The following CTSD variants were observed in gnomAD, a reference collection of about 807,000 sequenced individuals.
The protein encoded by CTSD is ceroid-lipofuscinosis, neuronal 10.
In CTSD, 28 loss-of-function variants were observed where a neutral mutation model predicts 43.6. That is an observed-to-expected ratio of 0.64 (90% CI 0.48 to 0.88). The LOEUF is 0.88. CTSD is among the 40% of genes least tolerant of loss of function. The pLI, the probability that CTSD is intolerant of heterozygous loss-of-function variation, is 0.00. For missense variants in CTSD, 485 were observed against 555.2 expected, an observed-to-expected ratio of 0.87 and a Z score of 1.27; for synonymous variants, 270 against 249.8, an observed-to-expected ratio of 1.08 and a Z score of -0.76.
chr11:1,756,106 T>C (rs552417320), intron 5 of CTSD, among the ~76,000 whole-genome samples: 23 of 150,078 alleles, frequency 1.5e-4, no homozygotes, highest in African/African-American at 5.2e-4. Context: ...TGGGTACTCA[T>C]ACCGTGTGCC....
chr11:1,763,094 C>T (rs926752485), intron 1 of CTSD: 3 of 152,464 alleles, frequency 2.0e-5, no homozygotes, highest in African/African-American at 7.2e-5. Context: ...CATGGCCCTC[C>T]TCTGCCCAGC....
At position 1,759,015 on chromosome 11, in the gene CTSD, T is replaced by C. The variant is rs1238167049; in HGVS notation, c.425A>G (p.Tyr142Cys). The C allele has an allele frequency of 6.2e-7, 1 of 1,613,920 alleles. No individual in the cohort carries two copies. Among genetic ancestry groups the C allele is most frequent in the Non-Finnish European group, 8.5e-7 (1 of 1,179,918 alleles). ...VKNGTSFDIH[Y>C]GSGSLSGYLS... ...GTACCCGGAGAGGCTGCCCGAGCCA[T>C]AGTGGATGTCAAACGAGGTACCATT... The change falls in exon 4 of 9, where the codon TAT becomes TGT. Residue 142 changes from tyrosine (Y) to cysteine (C), a missense_variant. Physicochemically the swap from Tyr to Cys is radical, Grantham distance 194. Coordinates refer to ENST00000236671, the MANE Select transcript of CTSD (RefSeq NM_001909.5).
At position 1,761,389 on chromosome 11, in the gene CTSD, C is replaced by G; in HGVS notation, c.148G>C (p.Gly50Arg). ...GGSVEDLIAK[G>R]PVSKYSQAVP... ...GCCTGGGAGTACTTTGAGACGGGGC[C>G]TTTGGCAATCAGGTCCTCCACAGAG... The change falls in exon 2 of 9, where the codon GGC becomes CGC. Residue 50 changes from glycine to arginine, a missense_variant. Physicochemically the swap from Gly to Arg is moderately radical, Grantham distance 125. Transcript: ENST00000236671. 1 of 1,613,840 alleles carries G rather than the reference C, an allele frequency of 6.2e-7. No individual in the cohort carries two copies. The highest frequency in any genetic ancestry group is 8.5e-7 in the Non-Finnish European group (1 of 1,180,020).
chr11:1,754,358 GGAGGGATGGAGGGGATGGAGGGGCATA>G lies in CTSD; in HGVS notation c.828-247_828-221del, dbSNP rs1219998189. 2,278 of 509,364 alleles carry G rather than the reference GGAGGGATGGAGGGGATGGAGGGGCATA, an allele frequency of 4.5e-3. 18 individuals are homozygous for G. The highest frequency in any genetic ancestry group is 0.013 in the African/African-American group (657 of 50,688). 31.6% of individuals were successfully genotyped at this position (509,364 alleles called of 1,614,324 possible). On this transcript the variant is annotated intron_variant, in intron 6 of 8. Coordinates refer to ENST00000236671, the MANE Select transcript of CTSD (RefSeq NM_001909.5). ...ACCCTCAGGTGGTGGTGAGGGGCAT[GGAGGGATGGAGGGGATGGAGGGGCATA>G]GAGGGATGGAGGGGATGGAGGGGAT...
rs1845791195 is a variant in CTSD, at chr11:1,754,890, T to G, written c.827+16A>C. 6.2e-7 allele frequency: 1 copy of G among 1,613,472 alleles called. No individual in the cohort carries two copies. Among genetic ancestry groups the G allele is most frequent in the Non-Finnish European group, 8.5e-7 (1 of 1,179,856 alleles). On this transcript the variant is annotated intron_variant, in intron 6 of 8. Coordinates refer to ENST00000236671, the MANE Select transcript of CTSD (RefSeq NM_001909.5). ...GCCCACAGAACCCAGGGGAGCCGAC[T>G]GCAGCCACTACTCACTGGTCCAGGT...
Position 1,753,113 on chromosome 11 carries a change from C to T in CTSD, c.*390G>A, listed in dbSNP as rs1262477522. ...GTTTCCAAGGGAGGGCCCGGGAGGACGGCCTGGTGTGGGGTAGGGGCTCAG... is the reference window on the plus strand; with the variant it reads ...GTTTCCAAGGGAGGGCCCGGGAGGATGGCCTGGTGTGGGGTAGGGGCTCAG... On this transcript the variant is annotated 3_prime_UTR_variant, in exon 9 of 9. Coordinates refer to ENST00000236671, the MANE Select transcript of CTSD (RefSeq NM_001909.5). 12 of 320,144 alleles carry T rather than the reference C, an allele frequency of 3.7e-5. No homozygotes were observed. The highest frequency in any genetic ancestry group is 1.3e-4 in the South Asian group (5 of 37,664). 19.8% of individuals were successfully genotyped at this position (320,144 alleles called of 1,614,324 possible).
chr11:1,756,149 CCT>C (rs1209368087), intron 5 of CTSD, among the ~76,000 whole-genome samples: 1 of 151,920 alleles, frequency 6.6e-6, no homozygotes, highest in Non-Finnish European at 1.5e-5. Flanking sequence ...GCTGTGTGCC[CCT>C]CCCCCACATG....
At chr11:1,753,782 G>A (rs755668289) in intron 8 of CTSD, 21 bp downstream of exon 8, 54 of 1,611,066 alleles carry the variant, frequency 3.4e-5, no homozygotes, top group East Asian at 4.5e-5. Context: ...TGGGGCGTGC[G>A]GCACCCCATT....
At position 1,759,027 on chromosome 11, in the gene CTSD, A is replaced by AACGAGGT; in HGVS notation, c.406_412dup (p.Phe138TyrfsTer4). On this transcript the variant is annotated frameshift_variant, in exon 4 of 9. Coordinates refer to ENST00000236671, the MANE Select transcript of CTSD (RefSeq NM_001909.5). LOFTEE classifies it high-confidence loss of function. ...GCTGCCCGAGCCATAGTGGATGTCA[A>AACGAGGT]ACGAGGTACCATTCTTCACGTAGGT... 1 of 1,614,126 alleles carries AACGAGGT rather than the reference A, an allele frequency of 6.2e-7. No homozygotes were observed. Among genetic ancestry groups the AACGAGGT allele is most frequent in the Non-Finnish European group, 8.5e-7 (1 of 1,179,972 alleles).
rs190194638 is a variant in CTSD, at chr11:1,753,359, C to T, written c.*144G>A. 4.5e-5 allele frequency: 42 copies of T among 930,870 alleles called. No individual in the cohort carries two copies. Among genetic ancestry groups the T allele is most frequent in the East Asian group, 2.2e-4 (9 of 40,480 alleles). 57.7% of individuals were successfully genotyped at this position (930,870 alleles called of 1,614,324 possible). A position where few individuals can be genotyped will look rare whatever the true frequency, so the allele number is the denominator to read the frequency against. On this transcript the variant is annotated 3_prime_UTR_variant, in exon 9 of 9. Coordinates refer to ENST00000236671, the MANE Select transcript of CTSD (RefSeq NM_001909.5). The stretch of plus-strand genomic sequence containing the variant: ...AAAACCACAGAACAAAACAGCAAGT[C>T]GGGCTTGGGCCGCCGGCTTCCAGGG...
Position 1,761,450 on chromosome 11 carries a change from G to A in CTSD, c.87C>T (p.Phe29=). Residue 29 remains phenylalanine, a synonymous_variant, in exon 2 of 9, where the codon TTC becomes TTT. Transcript: ENST00000236671. ...SALVRIPLHK[F]TSIRRTMSEV... Reference sequence around the variant, plus strand: ...CCGACATGGTCCGGCGGATGGACGTGAACTTGTGCAGCGGGATCCTGTCAA... The same window carrying A: ...CCGACATGGTCCGGCGGATGGACGTAAACTTGTGCAGCGGGATCCTGTCAA... The A allele has an allele frequency of 1.2e-6, 2 of 1,613,908 alleles. No individual in the cohort carries two copies. Among genetic ancestry groups the A allele is most frequent in the Non-Finnish European group, 8.5e-7 (1 of 1,180,010 alleles).
At chr11:1,759,746 G>T in intron 2 of CTSD, 107 bp from the exon 3 acceptor site, 3 of 1,190,582 alleles carry the variant, frequency 2.5e-6, no homozygotes, top group Non-Finnish European at 3.4e-6. Context: ...CTGGAGGGAG[G>T]GGCATCACGG....
Position 1,753,341 on chromosome 11 carries a change from C to T in CTSD, c.*162G>A. ...TCTGAACCCAGGGAGGGGAAAACCA[C>T]AGAACAAAACAGCAAGTCGGGCTTG... On this transcript the variant is annotated 3_prime_UTR_variant, in exon 9 of 9. Transcript: ENST00000236671. The T allele has an allele frequency of 1.3e-6, 1 of 790,538 alleles. No homozygotes were observed. The highest frequency in any genetic ancestry group is 2.1e-6 in the Non-Finnish European group (1 of 467,124). 49.0% of individuals were successfully genotyped at this position (790,538 alleles called of 1,614,324 possible). A position where few individuals can be genotyped will look rare whatever the true frequency, so the allele number is the denominator to read the frequency against.
chr11:1,758,129 A>G (rs1845832069), intron 4 of CTSD: 1 of 192,548 alleles, frequency 5.2e-6, no homozygotes, highest in Admixed American at 5.3e-5. Context: ...AGACGGGGCA[A>G]TTTCCTGTTC....
chr11:1,754,524 A>AGAGGATGT (rs1845778979), intron 6 of CTSD, among the ~76,000 whole-genome samples: 1 of 14,058 alleles, frequency 7.1e-5, no homozygotes, highest in African/African-American at 3.1e-4. Flanking sequence ...GGAGGGATGG[A>AGAGGATGT]GGGGATGGAG....
intron 1 of CTSD, 106 bp downstream of exon 1, chr11:1,763,685 CA>C: frequency 9.2e-7 from 1 of 1,091,868 alleles, no homozygotes; most frequent in Non-Finnish European, 1.3e-6. Context: ...GCGGGGGGCG[CA>C]AGGGGCTCGT....
intron 2 of CTSD, chr11:1,760,944 CT>C: frequency 2.9e-6 from 1 of 343,598 alleles, no homozygotes; most frequent in Non-Finnish European, 5.7e-6. Context: ...TGGGGAGGGG[CT>C]GGGGAGGCCA....
At chr11:1,761,251 C>T (rs1187822690) in intron 2 of CTSD, 58 bp downstream of exon 2, 13 of 1,590,172 alleles carry the variant, frequency 8.2e-6, no homozygotes, top group South Asian at 1.1e-5. Flanking sequence ...CCCCATACTG[C>T]CACGGAGCTC....
chr11:1,761,439 C>T lies in CTSD; in HGVS notation c.98G>A (p.Arg33His), dbSNP rs557024887. The change falls in exon 2 of 9, where the codon CGC becomes CAC. Residue 33 changes from arginine (R) to histidine (H), a missense_variant. Physicochemically the swap from Arg to His is conservative, Grantham distance 29. Transcript: ENST00000236671. ...RIPLHKFTSI[R>H]RTMSEVGGSV... ...GCCCCCAACCTCCGACATGGTCCGG[C>T]GGATGGACGTGAACTTGTGCAGCGG... 13 of 1,613,888 alleles carry T rather than the reference C, an allele frequency of 8.1e-6. No homozygotes were observed. The highest frequency in any genetic ancestry group is 4.4e-5 in the South Asian group (4 of 91,082).
Sources: gnomAD v4.1 joint callset for allele counts (sites outside exome capture counted in the v4.1 genomes callset) on GRCh38, gnomAD v4.1.1 for gene constraint, MANE v1.5 for transcripts, NCBI Gene and HGNC (gene_info 2026-07-23, HGNC 2026-07-21) for gene names.